SLC1A1: variants seen among roughly 807,000 people sequenced by gnomAD.
SLC1A1 encodes excitatory amino acid transporter 3.
SLC1A1 carries 43 observed loss-of-function variants against 53.3 expected under a neutral mutation model. The observed-to-expected ratio is 0.81, with a 90% confidence interval of 0.63 to 1.04. The LOEUF (loss-of-function observed/expected upper bound fraction) is 1.04. Among genes scored for constraint, SLC1A1 ranks in the 50% least tolerant of loss-of-function variants. SLC1A1 has a pLI of 0.00. For missense variants in SLC1A1, 748 were observed against 664.9 expected (o/e 1.12, Z -1.37); for synonymous variants, 307 against 243.2 (o/e 1.26, Z -2.44).
chr9:4,586,440 A>G lies in SLC1A1; in HGVS notation c.*882A>G, dbSNP rs1439105500. ...CACATCTGTATATCAGCTCTAAAGC[A>G]GAGATGTATTATGGTGATACTCCAA... On this transcript the variant is annotated 3_prime_UTR_variant, in exon 12 of 12. Transcript: ENST00000262352. 2 of 152,182 alleles carry G rather than the reference A, an allele frequency of 1.3e-5. No individual in the cohort carries two copies. The highest frequency in any genetic ancestry group is 2.9e-5 in the Non-Finnish European group (2 of 68,046). The allele number at this position is 152,182 out of a possible 1,614,324, so 9.4% of individuals were successfully genotyped here.
In SLC1A1 at chr9:4,561,486, TG is replaced by T; in HGVS notation, c.272del (p.Gly91ValfsTer18). ...TGGATTCCAACGTATCCGGAAAAAT[TG>T]GTCTGCGCGCTGTCGTGTATTATTT... ...ALDSNVSGKI[G>X]LRAVVYYFCT... On this transcript the variant is annotated frameshift_variant, in exon 3 of 12. Transcript: ENST00000262352. LOFTEE classifies it high-confidence loss of function. 1 of 1,611,270 alleles carries T rather than the reference TG, an allele frequency of 6.2e-7. No homozygotes were observed. The highest frequency in any genetic ancestry group is 1.7e-4 in the Middle Eastern group (1 of 6,060).
intron 1 of SLC1A1, among the ~76,000 whole-genome samples, chr9:4,526,300 C>A (rs978681590): frequency 6.6e-6 from 1 of 152,144 alleles, no homozygotes; most frequent in Admixed American, 6.5e-5. Context: ...ATATGGAATA[C>A]TGAACAGCAC....
intron 1 of SLC1A1, among the ~76,000 whole-genome samples, chr9:4,541,636 T>G (rs1290480520): frequency 2.0e-5 from 3 of 152,214 alleles, no homozygotes; most frequent in Non-Finnish European, 4.4e-5. Context: ...GGCTAATCTA[T>G]AATCAGAGAA....
intron 1 of SLC1A1, among the ~76,000 whole-genome samples, chr9:4,527,830 G>T (rs142252574): frequency 6.6e-5 from 10 of 152,116 alleles, no homozygotes; most frequent in African/African-American, 2.2e-4. Context: ...TGGCAAAGTG[G>T]TAAGTCTTCT....
chr9:4,504,577 C>T (rs1820737795), intron 1 of SLC1A1, among the ~76,000 whole-genome samples: 1 of 152,166 alleles, frequency 6.6e-6, no homozygotes, highest in African/African-American at 2.4e-5. Flanking sequence ...GGATTTCTTT[C>T]TTGCATGTGG....
chr9:4,531,842 A>G (rs954898060), intron 1 of SLC1A1, among the ~76,000 whole-genome samples: 1 of 152,144 alleles, frequency 6.6e-6, no homozygotes, highest in East Asian at 1.9e-4. Flanking sequence ...TGGCAGGGTA[A>G]CCCTCTGAGA....
At chr9:4,543,796 G>A (rs1296249411) in intron 1 of SLC1A1, among the ~76,000 whole-genome samples, 1 of 152,018 alleles carries the variant, frequency 6.6e-6, no homozygotes, top group African/African-American at 2.4e-5. Context: ...TATAAAAGTT[G>A]CATAAACAGG....
chr9:4,536,075 T>TA (rs1374794814), intron 1 of SLC1A1, among the ~76,000 whole-genome samples: 1 of 152,092 alleles, frequency 6.6e-6, no homozygotes, highest in Non-Finnish European at 1.5e-5. Context: ...ATGTTAGACC[T>TA]AAAACCATAA....
At chr9:4,536,387 T>C (rs1441576808) in intron 1 of SLC1A1, among the ~76,000 whole-genome samples, 2 of 151,916 alleles carry the variant, frequency 1.3e-5, no homozygotes, top group Non-Finnish European at 2.9e-5. Context: ...GCGAAGGATA[T>C]GAACAGACAC....
intron 10 of SLC1A1, 105 bp from the exon 11 acceptor site, chr9:4,582,933 C>G: frequency 7.1e-7 from 1 of 1,415,474 alleles, no homozygotes; most frequent in Non-Finnish European, 1.0e-6. Flanking sequence ...TTTAGGGACA[C>G]AGCAGTAATA....
rs111709092 is a variant in SLC1A1, at chr9:4,566,009, T to C, written c.441-38T>C. ...ATTAGGTATGACAAAACAATACTTT[T>C]TGCCCTAACATAATACTGCCTTTTA... On this transcript the variant is annotated intron_variant, in intron 4 of 11. Coordinates refer to ENST00000262352, the MANE Select transcript of SLC1A1 (RefSeq NM_004170.6). 1.6e-3 allele frequency: 2,420 copies of C among 1,508,040 alleles called. 38 individuals carry two copies. The African/African-American group carries it at 0.028, about 18-fold the overall frequency. 93.4% of individuals were successfully genotyped at this position (1,508,040 alleles called of 1,614,324 possible).
At chr9:4,532,898 G>C (rs1457000187) in intron 1 of SLC1A1, among the ~76,000 whole-genome samples, 1 of 152,140 alleles carries the variant, frequency 6.6e-6, no homozygotes, top group Non-Finnish European at 1.5e-5. Context: ...AAGAGAGTGG[G>C]GGCCAATATG....
At chr9:4,524,723 A>G (rs1335284341) in intron 1 of SLC1A1, among the ~76,000 whole-genome samples, 1 of 152,178 alleles carries the variant, frequency 6.6e-6, no homozygotes, top group Non-Finnish European at 1.5e-5. Context: ...TTAATAACTA[A>G]TATAAAATTA....
At chr9:4,558,381 C>T (rs1818625199) in intron 2 of SLC1A1, among the ~76,000 whole-genome samples, 1 of 152,044 alleles carries the variant, frequency 6.6e-6, no homozygotes, top group African/African-American at 2.4e-5. Context: ...GAAGTATAAT[C>T]GTTGATTTGT....
intron 1 of SLC1A1, among the ~76,000 whole-genome samples, chr9:4,529,712 T>C (rs189712970): frequency 5.9e-5 from 9 of 151,756 alleles, no homozygotes; most frequent in Admixed American, 3.9e-4. Context: ...GTGTGTGTTG[T>C]AGAGATGGTG....
At chr9:4,516,539 C>G (rs1224625270) in intron 1 of SLC1A1, among the ~76,000 whole-genome samples, 1 of 152,160 alleles carries the variant, frequency 6.6e-6, no homozygotes, top group Non-Finnish European at 1.5e-5. Context: ...TCTTCTCTTG[C>G]CTTCAATCTA....
rs528997487 is a variant in SLC1A1, at chr9:4,496,298, A to T, written c.91+5528A>T. Reference sequence around the variant, plus strand: ...AGCGTTGGGGATACAAAGGACAGGGATGTGACCTTCTGGGCTTTTATTTGG... The same window carrying T: ...AGCGTTGGGGATACAAAGGACAGGGTTGTGACCTTCTGGGCTTTTATTTGG... On this transcript the variant is annotated intron_variant, in intron 1 of 11. Coordinates refer to ENST00000262352, the MANE Select transcript of SLC1A1 (RefSeq NM_004170.6). 3.3e-5 allele frequency among the ~76,000 whole-genome samples: 5 copies of T among 152,258 alleles called. No individual in the cohort carries two copies. The East Asian group carries it at 9.7e-4, about 30-fold the overall frequency.
At chr9:4,512,637 A>G (rs1821035785) in intron 1 of SLC1A1, among the ~76,000 whole-genome samples, 1 of 152,212 alleles carries the variant, frequency 6.6e-6, no homozygotes, top group African/African-American at 2.4e-5. Flanking sequence ...TCAAGATATC[A>G]AGTGTAATAT....
chr9:4,507,132 G>A (rs1208891236), intron 1 of SLC1A1, among the ~76,000 whole-genome samples: 1 of 152,164 alleles, frequency 6.6e-6, no homozygotes, highest in East Asian at 1.9e-4. Flanking sequence ...CACTTGGGAG[G>A]TTGAGGCAGG....
Sources: gnomAD v4.1 joint callset for allele counts (sites outside exome capture counted in the v4.1 genomes callset) on GRCh38, gnomAD v4.1.1 for gene constraint, MANE v1.5 for transcripts, NCBI Gene and HGNC (gene_info 2026-07-23, HGNC 2026-07-21) for gene names.